The following CPLX4 variants were observed in gnomAD, a reference collection of about 807,000 sequenced individuals.
The protein encoded by CPLX4 is complexin 4, also known as complexin-4.
CPLX4 carries 17 observed loss-of-function variants against 16.1 expected under a neutral mutation model. The ratio of observed to expected loss-of-function variants is 1.06; its 90% CI spans 0.72 to 1.59. CPLX4 has a LOEUF of 1.59. CPLX4 is among the 40% of genes most tolerant of loss of function. The pLI is 0.00. For missense variants in CPLX4, 193 were observed against 192.9 expected, an observed-to-expected ratio of 1.00 and a Z score of 0.00; for synonymous variants, 55 against 57.8, an observed-to-expected ratio of 0.95 and a Z score of 0.22.
chr18:59,316,329 G>T (rs2070651276), intron 1 of CPLX4, among the ~76,000 whole-genome samples: 1 of 152,108 alleles, frequency 6.6e-6, no homozygotes, highest in South Asian at 2.1e-4. Flanking sequence ...AGAGTGCATT[G>T]CTAAATAGTT....
chr18:59,299,611 G>A (rs2070526133), intron 2 of CPLX4, among the ~76,000 whole-genome samples: 1 of 152,182 alleles, frequency 6.6e-6, no homozygotes, highest in Non-Finnish European at 1.5e-5. Flanking sequence ...GCTTGAAGAA[G>A]CTTTGGGATG....
At chr18:59,301,868 G>A (rs1042637293) in intron 2 of CPLX4, among the ~76,000 whole-genome samples, 4 of 152,226 alleles carry the variant, frequency 2.6e-5, no homozygotes, top group Non-Finnish European at 5.9e-5. Context: ...CAATGGAAGG[G>A]CCACTTAGAG....
At position 59,296,761 on chromosome 18, in the gene CPLX4, T is replaced by C. The variant is rs1223299923; in HGVS notation, c.420A>G (p.Glu140=). Residue 140 remains glutamate, a synonymous_variant, in exon 3 of 3, where the codon GAA becomes GAG. Transcript: ENST00000299721. ...LQNMDLDTIK[E]KAQATFTEIK... ...TTTCAGTGAAGGTGGCCTGGGCTTTTTCTTTTATGGTATCCAAGTCCATGT... is the reference window on the plus strand; with the variant it reads ...TTTCAGTGAAGGTGGCCTGGGCTTTCTCTTTTATGGTATCCAAGTCCATGT... The C allele has an allele frequency of 1.2e-6, 2 of 1,613,800 alleles. No individual in the cohort carries two copies. Among genetic ancestry groups the C allele is most frequent in the Non-Finnish European group, 1.7e-6 (2 of 1,179,990 alleles).
chr18:59,297,016 T>C (rs2144176256), intron 2 of CPLX4, 91 bp from the exon 3 acceptor site: 5 of 1,500,378 alleles, frequency 3.3e-6, no homozygotes, highest in Non-Finnish European at 4.4e-6. Context: ...AAAAGGTCTT[T>C]AGAGAATACA....
At chr18:59,300,967 G>A (rs666848) in intron 2 of CPLX4, among the ~76,000 whole-genome samples, 42,286 of 152,054 alleles carry the variant, frequency 0.28, 6,837 homozygotes, top group African/African-American at 0.45. Context: ...TGTCAGGCCC[G>A]CCCCTGACTT....
chr18:59,302,646 C>T (rs2070549677), intron 2 of CPLX4, among the ~76,000 whole-genome samples: 1 of 152,118 alleles, frequency 6.6e-6, no homozygotes, highest in Admixed American at 6.6e-5. Context: ...TGCTGAGTAC[C>T]CCATTATTTA....
intron 2 of CPLX4, among the ~76,000 whole-genome samples, chr18:59,304,010 G>A (rs2070558963): frequency 6.6e-6 from 1 of 152,208 alleles, no homozygotes; most frequent in East Asian, 1.9e-4. Flanking sequence ...AAGGGGTCTG[G>A]CAAAGGAAGG....
At chr18:59,308,543 T>C (rs1341943724) in intron 2 of CPLX4, among the ~76,000 whole-genome samples, 7 of 143,904 alleles carry the variant, frequency 4.9e-5, no homozygotes, top group African/African-American at 1.8e-4. Flanking sequence ...TATCAAGACT[T>C]TTTTTTTTTT....
At chr18:59,300,525 A>T (rs1018895461) in intron 2 of CPLX4, among the ~76,000 whole-genome samples, 5 of 152,260 alleles carry the variant, frequency 3.3e-5, no homozygotes, top group Non-Finnish European at 7.4e-5. Context: ...AAATTGCCTG[A>T]GTGAGCACAT....
chr18:59,311,238 A>G (rs1270591855), intron 2 of CPLX4, among the ~76,000 whole-genome samples: 1 of 152,196 alleles, frequency 6.6e-6, no homozygotes, highest in African/African-American at 2.4e-5. Flanking sequence ...AGGAAAAGTT[A>G]TTAAACCTGA....
chr18:59,316,903 T>G (rs987618639), intron 1 of CPLX4, among the ~76,000 whole-genome samples: 1 of 152,202 alleles, frequency 6.6e-6, no homozygotes, highest in African/African-American at 2.4e-5. Flanking sequence ...GATTTTTGTC[T>G]TCTATCCTTC....
chr18:59,312,810 G>C, intron 1 of CPLX4, 38 bp from the exon 2 acceptor site: 2 of 924,292 alleles, frequency 2.2e-6, no homozygotes, highest in Non-Finnish European at 3.6e-6. Flanking sequence ...AGGATACAGA[G>C]AGCTAAGGAC....
Position 59,296,531 on chromosome 18 carries a change from T to C in CPLX4, c.*167A>G, listed in dbSNP as rs2070501643. 9.9e-6 allele frequency: 7 copies of C among 708,210 alleles called. No individual in the cohort carries two copies. The highest frequency in any genetic ancestry group is 1.2e-5 in the Non-Finnish European group (5 of 420,296). 43.9% of individuals were successfully genotyped at this position (708,210 alleles called of 1,614,324 possible). A position where few individuals can be genotyped will look rare whatever the true frequency, so the allele number is the denominator to read the frequency against. ...TTCCCGCTGCAAGGTGTTAGCTAAATGCTCTGCCAGGAATATTTAGAACAA... is the reference window on the plus strand; with the variant it reads ...TTCCCGCTGCAAGGTGTTAGCTAAACGCTCTGCCAGGAATATTTAGAACAA... On this transcript the variant is annotated 3_prime_UTR_variant, in exon 3 of 3. Coordinates refer to ENST00000299721, the MANE Select transcript of CPLX4 (RefSeq NM_181654.4).
At chr18:59,307,009 A>C (rs2070581056) in intron 2 of CPLX4, among the ~76,000 whole-genome samples, 1 of 152,146 alleles carries the variant, frequency 6.6e-6, no homozygotes, top group Non-Finnish European at 1.5e-5. Context: ...GTTATTAGGA[A>C]CCCACTAGAG....
intron 2 of CPLX4, among the ~76,000 whole-genome samples, chr18:59,307,502 G>A (rs547724787): frequency 5.3e-5 from 8 of 152,264 alleles, no homozygotes; most frequent in South Asian, 4.2e-4. Flanking sequence ...GTTTCCCTCC[G>A]AATACAGCAG....
At chr18:59,314,783 A>G (rs1022593393) in intron 1 of CPLX4, among the ~76,000 whole-genome samples, 2 of 152,054 alleles carry the variant, frequency 1.3e-5, no homozygotes, top group African/African-American at 2.4e-5. Context: ...GGCTTCTTTC[A>G]CTCAGCATAA....
At chr18:59,302,051 C>T (rs1403844562) in intron 2 of CPLX4, among the ~76,000 whole-genome samples, 2 of 152,170 alleles carry the variant, frequency 1.3e-5, no homozygotes, top group African/African-American at 2.4e-5. Flanking sequence ...GTGAAAGAGA[C>T]GGTGGGAGAG....
intron 1 of CPLX4, among the ~76,000 whole-genome samples, chr18:59,315,440 A>T (rs1330397212): frequency 1.3e-5 from 2 of 152,146 alleles, no homozygotes; most frequent in Non-Finnish European, 2.9e-5. Flanking sequence ...GTCCTTTGTC[A>T]GATATATTTT....
At chr18:59,305,154 G>C (rs2070568030) in intron 2 of CPLX4, among the ~76,000 whole-genome samples, 1 of 152,042 alleles carries the variant, frequency 6.6e-6, no homozygotes, top group Non-Finnish European at 1.5e-5. Context: ...TAGAGGGAGG[G>C]AGATCATGGA....
Sources: gnomAD v4.1 joint callset for allele counts (sites outside exome capture counted in the v4.1 genomes callset) on GRCh38, gnomAD v4.1.1 for gene constraint, MANE v1.5 for transcripts, NCBI Gene and HGNC (gene_info 2026-07-23, HGNC 2026-07-21) for gene names.